VPS13B: variants seen among roughly 807,000 people sequenced by gnomAD.
VPS13B encodes the protein intermembrane lipid transfer protein VPS13B.
Under a neutral mutation model 426.4 loss-of-function variants are expected in VPS13B, and 285 were observed. The observed-to-expected ratio is 0.67, with a 90% CI of 0.61 to 0.74. The LOEUF (loss-of-function observed/expected upper bound fraction) is 0.74, where lower values mean the gene tolerates loss of function less well. Among genes scored for constraint, VPS13B ranks in the 30% least tolerant of loss-of-function variants. VPS13B has a pLI of 0.00. For synonymous variants in VPS13B, 1,676 were observed against 1,676.4 expected (o/e 1.00, Z 0.01); for missense variants, 4,537 against 4,782.6 (o/e 0.95, Z 1.51).
At chr8:99,406,071 C>T (rs1471339504) in intron 21 of VPS13B, among the ~76,000 whole-genome samples, 1 of 152,126 alleles carries the variant, frequency 6.6e-6, no homozygotes, top group African/African-American at 2.4e-5. Context: ...AGCCACCATG[C>T]CCAGCCGCTA....
At chr8:99,151,450 C>G (rs555800503) in intron 14 of VPS13B, among the ~76,000 whole-genome samples, 6 of 152,208 alleles carry the variant, frequency 3.9e-5, no homozygotes, top group African/African-American at 1.2e-4. Context: ...TCATTATACC[C>G]AAGGTCATCA....
At chr8:99,583,043 C>G (rs1826151189) in intron 33 of VPS13B, among the ~76,000 whole-genome samples, 3 of 152,184 alleles carry the variant, frequency 2.0e-5, no homozygotes, top group Admixed American at 2.0e-4. Context: ...ATCAGTGGCT[C>G]TACCATAATT....
chr8:99,545,940 TGATA>T (rs141979245), intron 30 of VPS13B, among the ~76,000 whole-genome samples: 2,535 of 152,204 alleles, frequency 0.017, 61 homozygotes, highest in African/African-American at 0.058. Context: ...AGATCATGAT[TGATA>T]CTTTTCCTTA....
At chr8:99,528,954 T>A (rs1175744888) in intron 30 of VPS13B, among the ~76,000 whole-genome samples, 1 of 152,166 alleles carries the variant, frequency 6.6e-6, no homozygotes, top group Admixed American at 6.5e-5. Flanking sequence ...TCTTTAAAAA[T>A]TTAGCTTATG....
chr8:99,403,554 A>G (rs1588336635), intron 21 of VPS13B, among the ~76,000 whole-genome samples: 1 of 151,948 alleles, frequency 6.6e-6, no homozygotes, highest in African/African-American at 2.4e-5. Flanking sequence ...GTCTCAAAAA[A>G]AAAAAAAAAA....
intron 19 of VPS13B, among the ~76,000 whole-genome samples, chr8:99,359,847 G>A (rs931778009): frequency 6.6e-6 from 1 of 152,184 alleles, no homozygotes; most frequent in Non-Finnish European, 1.5e-5. Flanking sequence ...CTGTTGCCCA[G>A]GCTGGAGTGC....
chr8:99,016,837 G>T (rs1480098205), intron 2 of VPS13B, among the ~76,000 whole-genome samples: 1 of 151,974 alleles, frequency 6.6e-6, no homozygotes, highest in Non-Finnish European at 1.5e-5. Context: ...TGATCCTCCT[G>T]TCTCGGCCTC....
rs562686924 is a variant in VPS13B, at chr8:99,481,674, C to T, written c.3742C>T (p.Leu1248=). 6.2e-7 allele frequency: 1 copy of T among 1,614,002 alleles called. No individual in the cohort carries two copies. Among genetic ancestry groups the T allele is most frequent in the East Asian group, 2.2e-5 (1 of 44,874 alleles). The change falls in exon 25 of 62, where the codon CTA becomes TTA. Residue 1248 remains leucine (L), a synonymous_variant. Transcript: ENST00000357162. ...GATTCAGAAGAGAGGCAATCTCAAC[C>T]TATCTCCAACCTCTCCAGAGACCAT... The part of the protein sequence containing the change: ...NKIQKRGNLN[L]SPTSPETMAG...
Position 99,797,270 on chromosome 8 carries a change from T to A in VPS13B, c.7942-12105T>A, listed in dbSNP as rs541291550. On this transcript the variant is annotated intron_variant, in intron 43 of 61. Coordinates refer to ENST00000357162, the MANE Select transcript of VPS13B (RefSeq NM_152564.5). Reference sequence around the variant, plus strand: ...TATTTTTTTTTTTGAGACAGAGTTTTGCTCTGTGGCCCAGGCTGGAGTGCA... The same window carrying A: ...TATTTTTTTTTTTGAGACAGAGTTTAGCTCTGTGGCCCAGGCTGGAGTGCA... 2.0e-5 allele frequency: 3 copies of A among 152,256 alleles called. No homozygotes were observed. In the East Asian group the frequency reaches 5.8e-4, roughly 29 times the overall value. The allele number at this position is 152,256 out of a possible 1,614,324, so 9.4% of individuals were successfully genotyped here.
chr8:99,870,177 CTTT>C (rs113637410), intron 59 of VPS13B, among the ~76,000 whole-genome samples: 2 of 148,892 alleles, frequency 1.3e-5, no homozygotes, highest in African/African-American at 4.9e-5. Flanking sequence ...ACAATCTAGA[CTTT>C]TTTTTTTAGA....
At chr8:99,124,250 G>T (rs1442056231) in intron 8 of VPS13B, among the ~76,000 whole-genome samples, 1 of 152,194 alleles carries the variant, frequency 6.6e-6, no homozygotes, top group African/African-American at 2.4e-5. Flanking sequence ...GTGATTTTGA[G>T]CAGAGCAGTG....
intron 33 of VPS13B, among the ~76,000 whole-genome samples, chr8:99,582,678 T>C (rs776050239): frequency 2.3e-4 from 35 of 152,230 alleles, no homozygotes; most frequent in Non-Finnish European, 1.5e-4. Context: ...TTTTTTGAGA[T>C]GGAGTCTCGC....
At chr8:99,729,853 T>C (rs1833516463) in intron 39 of VPS13B, among the ~76,000 whole-genome samples, 1 of 152,226 alleles carries the variant, frequency 6.6e-6, no homozygotes, top group Non-Finnish European at 1.5e-5. Context: ...TAGTCAGTAT[T>C]ATCCAATAAA....
chr8:99,603,761 A>T (rs1827435207), intron 33 of VPS13B, among the ~76,000 whole-genome samples: 1 of 152,200 alleles, frequency 6.6e-6, no homozygotes, highest in African/African-American at 2.4e-5. Flanking sequence ...TAGAAAGTAA[A>T]ACCATGGATG....
chr8:99,647,014 A>G (rs1454835069), intron 34 of VPS13B, among the ~76,000 whole-genome samples: 1 of 152,152 alleles, frequency 6.6e-6, no homozygotes, highest in Non-Finnish European at 1.5e-5. Context: ...AAATAGCCTA[A>G]CATAACACGC....
chr8:99,758,232 C>T (rs192032695), intron 39 of VPS13B, among the ~76,000 whole-genome samples: 219 of 152,278 alleles, frequency 1.4e-3, no homozygotes, highest in African/African-American at 5.1e-3. Context: ...GTTATAAGAA[C>T]AATAAGACCA....
At chr8:99,351,850 G>A (rs1811912961) in intron 19 of VPS13B, among the ~76,000 whole-genome samples, 1 of 152,058 alleles carries the variant, frequency 6.6e-6, no homozygotes, top group African/African-American at 2.4e-5. Flanking sequence ...GAGATGTTTT[G>A]CTGTTGTCTG....
At chr8:99,242,439 G>C (rs1202215576) in intron 17 of VPS13B, among the ~76,000 whole-genome samples, 1 of 151,988 alleles carries the variant, frequency 6.6e-6, no homozygotes, top group Non-Finnish European at 1.5e-5. Flanking sequence ...ATTTGTTTTT[G>C]TTTTATTTAT....
chr8:99,258,365 A>G (rs1432889298), intron 17 of VPS13B, among the ~76,000 whole-genome samples: 2 of 151,664 alleles, frequency 1.3e-5, no homozygotes, highest in Admixed American at 1.3e-4. Flanking sequence ...GGGTATTATT[A>G]TTTTAACCAA....
Sources: gnomAD v4.1 joint callset for allele counts (sites outside exome capture counted in the v4.1 genomes callset) on GRCh38, gnomAD v4.1.1 for gene constraint, MANE v1.5 for transcripts, NCBI Gene and HGNC (gene_info 2026-07-23, HGNC 2026-07-21) for gene names.